CNTN4: variants seen among roughly 807,000 people sequenced by gnomAD.
The protein encoded by CNTN4 is contactin-4.
A neutral mutation model predicts 122.5 loss-of-function variants in CNTN4; 77 were observed. The ratio of observed to expected loss-of-function variants is 0.63; its 90% CI spans 0.52 to 0.76. The LOEUF (loss-of-function observed/expected upper bound fraction) is 0.76. Among genes scored for constraint, CNTN4 ranks in the 30% least tolerant of loss-of-function variants. CNTN4 has a pLI of 0.00. For synonymous variants in CNTN4, 512 were observed against 447.0 expected (o/e 1.15, Z -1.83); for missense variants, 1,256 against 1,259.1 (o/e 1.00, Z 0.04).
intron 4 of CNTN4, among the ~76,000 whole-genome samples, chr3:2,637,092 C>A (rs773573344): frequency 2.0e-5 from 3 of 151,724 alleles, no homozygotes; most frequent in African/African-American, 7.3e-5. Flanking sequence ...CAAGTGTGCA[C>A]CACCACGCCT....
intron 3 of CNTN4, among the ~76,000 whole-genome samples, chr3:2,433,430 C>T (rs1045758263): frequency 2.0e-5 from 3 of 152,128 alleles, no homozygotes; most frequent in Admixed American, 2.0e-4. Flanking sequence ...ATTTGTATGT[C>T]TACTTTAGAG....
At chr3:2,152,740 C>T (rs1037525003) in intron 2 of CNTN4, among the ~76,000 whole-genome samples, 1 of 152,286 alleles carries the variant, frequency 6.6e-6, no homozygotes, top group Non-Finnish European at 1.5e-5. Context: ...ATCTGCCTTC[C>T]TGAGTTAGGC....
intron 12 of CNTN4, among the ~76,000 whole-genome samples, chr3:2,923,076 T>C (rs950081205): frequency 1.8e-4 from 27 of 152,234 alleles, no homozygotes; most frequent in African/African-American, 5.3e-4. Context: ...TTTCAAATCC[T>C]GTAAAAGCAA....
chr3:2,706,970 A>G (rs1280930312), intron 4 of CNTN4, among the ~76,000 whole-genome samples: 1 of 151,714 alleles, frequency 6.6e-6, no homozygotes, highest in Non-Finnish European at 1.5e-5. Context: ...GCACTAGATT[A>G]TGTGTATGTG....
intron 4 of CNTN4, among the ~76,000 whole-genome samples, chr3:2,635,886 T>A (rs2082637641): frequency 6.6e-6 from 1 of 152,110 alleles, no homozygotes; most frequent in South Asian, 2.1e-4. Context: ...GATCACCACC[T>A]CTGGACAATG....
At chr3:3,000,549 C>T (rs1322254237) in intron 14 of CNTN4, among the ~76,000 whole-genome samples, 1 of 152,190 alleles carries the variant, frequency 6.6e-6, no homozygotes, top group Non-Finnish European at 1.5e-5. Context: ...AACAATTAGG[C>T]CATTGGCCTA....
Position 3,056,126 on chromosome 3 carries a change from A to T in CNTN4, c.2987A>T (p.Tyr996Phe), listed in dbSNP as rs1041204194. 1 of 1,613,692 alleles carries T rather than the reference A, an allele frequency of 6.2e-7. No homozygotes were observed. The highest frequency in any genetic ancestry group is 1.1e-5 in the South Asian group (1 of 91,074). ...QIRIPKISNA[Y>F]ARGSGASTSN... Reference sequence around the variant, plus strand: ...ATTTGTTCTCTCTTTTCAGATGCCTACGCGAGAGGATCTGGGGCTTCCACT... The same window carrying T: ...ATTTGTTCTCTCTTTTCAGATGCCTTCGCGAGAGGATCTGGGGCTTCCACT... The change falls in exon 25 of 25, where the codon TAC (tyrosine) becomes TTC (phenylalanine). Residue 996 changes from tyrosine (Y) to phenylalanine (F), a missense_variant. Physicochemically the swap from Tyr to Phe is conservative, Grantham distance 22. Coordinates refer to ENST00000418658, the MANE Select transcript of CNTN4 (RefSeq NM_175607.3).
chr3:2,729,387 A>G (rs1252879431), intron 4 of CNTN4, among the ~76,000 whole-genome samples: 1 of 149,560 alleles, frequency 6.7e-6, no homozygotes, highest in Non-Finnish European at 1.5e-5. Flanking sequence ...ACACAAAATT[A>G]ACAAAAAATT....
chr3:2,491,883 T>C (rs942131982), intron 3 of CNTN4, among the ~76,000 whole-genome samples: 1 of 152,194 alleles, frequency 6.6e-6, no homozygotes, highest in Non-Finnish European at 1.5e-5. Context: ...CTTTCTTCTC[T>C]GTGATTATTT....
At chr3:2,819,994 G>T (rs934536305) in intron 7 of CNTN4, among the ~76,000 whole-genome samples, 1 of 152,152 alleles carries the variant, frequency 6.6e-6, no homozygotes, top group African/African-American at 2.4e-5. Context: ...AAATGTATGG[G>T]TTTTTTCCAC....
intron 4 of CNTN4, among the ~76,000 whole-genome samples, chr3:2,730,859 A>G (rs1281956735): frequency 6.6e-6 from 1 of 152,080 alleles, no homozygotes; most frequent in Non-Finnish European, 1.5e-5. Context: ...CCTGAGTAGT[A>G]TCCTGCTTGC....
At chr3:2,767,943 C>T (rs1422363758) in intron 6 of CNTN4, among the ~76,000 whole-genome samples, 9 of 152,094 alleles carry the variant, frequency 5.9e-5, no homozygotes, top group Non-Finnish European at 1.0e-4. Context: ...TAGCAGTGGG[C>T]GTGTAAGGTC....
At chr3:2,921,751 T>G (rs1252186916) in intron 12 of CNTN4, among the ~76,000 whole-genome samples, 1 of 152,226 alleles carries the variant, frequency 6.6e-6, no homozygotes, top group Non-Finnish European at 1.5e-5. Context: ...CAAATAGGAC[T>G]GCCACTGCAT....
Position 2,764,904 on chromosome 3 carries a change from C to T in CNTN4, c.358+19207C>T, listed in dbSNP as rs555782045. Among the ~76,000 whole-genome samples the T allele has an allele frequency of 1.4e-4, 22 of 152,238 alleles. 1 individual carries two copies. In the South Asian group the frequency reaches 4.6e-3, roughly 32 times the overall value. On this transcript the variant is annotated intron_variant, in intron 6 of 24. Transcript: ENST00000418658. ...AGACATAAAAAAATTAAATAACTTG[C>T]CAAACTTCACACAGCTGGGAAGTTG...
intron 2 of CNTN4, among the ~76,000 whole-genome samples, chr3:2,317,912 G>C (rs1422897564): frequency 6.6e-6 from 1 of 152,122 alleles, no homozygotes; most frequent in Non-Finnish European, 1.5e-5. Flanking sequence ...CGATATAGAT[G>C]CCTTTGGTAT....
intron 13 of CNTN4, among the ~76,000 whole-genome samples, chr3:2,986,023 T>TCC (rs1214422480): frequency 6.7e-6 from 1 of 149,342 alleles, no homozygotes; most frequent in African/African-American, 2.5e-5. Flanking sequence ...CAAGCCATCC[T>TCC]CCCACCTCAG....
At chr3:2,256,763 C>T (rs1162292693) in intron 2 of CNTN4, among the ~76,000 whole-genome samples, 3 of 152,134 alleles carry the variant, frequency 2.0e-5, no homozygotes, top group Non-Finnish European at 4.4e-5. Flanking sequence ...AGGAGAACTA[C>T]AAACCACTGC....
chr3:2,519,578 C>T (rs1355350748), intron 3 of CNTN4, among the ~76,000 whole-genome samples: 4 of 152,168 alleles, frequency 2.6e-5, no homozygotes. Flanking sequence ...TAACCCAGAA[C>T]CAAAGACCTG....
intron 7 of CNTN4, among the ~76,000 whole-genome samples, chr3:2,863,246 C>T (rs759773587): frequency 1.3e-5 from 2 of 152,100 alleles, no homozygotes; most frequent in Non-Finnish European, 2.9e-5. Flanking sequence ...AAGTTAATAT[C>T]TTGGTGAGAG....
Sources: allele counts gnomAD v4.1 joint callset (sites outside exome capture counted in the v4.1 genomes callset), GRCh38; gene constraint gnomAD v4.1.1; transcripts MANE v1.5; gene names NCBI Gene and HGNC (gene_info 2026-07-23, HGNC 2026-07-21).